The following PPIE variants were observed in gnomAD, a reference collection of about 807,000 sequenced individuals.
PPIE encodes the protein peptidylprolyl isomerase E, also known as peptidyl-prolyl cis-trans isomerase E.
PPIE carries 20 observed loss-of-function variants against 38.4 expected under a neutral mutation model. That is an observed-to-expected ratio of 0.52 (90% CI 0.37 to 0.76). The LOEUF (loss-of-function observed/expected upper bound fraction) is 0.76. PPIE is among the 30% of genes least tolerant of loss of function. The probability of loss-of-function intolerance (pLI) is 0.00; values close to 1 mark genes in which losing one functional copy is unlikely to be tolerated. For missense variants in PPIE, 322 were observed against 385.8 expected, an observed-to-expected ratio of 0.83 and a Z score of 1.39; for synonymous variants, 142 against 135.7, an observed-to-expected ratio of 1.05 and a Z score of -0.32.
rs971822647 is a variant in PPIE at position 39,754,189 on chromosome 1, C to T, written c.*834C>T. ...CACGTCCATTTATTTACATATTGTC[C>T]ATGGTGGTTTCTTACTGCAGTGGCA... is the stretch of plus-strand genomic sequence containing the variant. On this transcript the variant is annotated 3_prime_UTR_variant, in exon 10 of 10. Transcript: ENST00000324379. 6.0e-6 allele frequency: 4 copies of T among 666,616 alleles called. No individual in the cohort carries two copies. The highest frequency in any genetic ancestry group is 7.4e-6 in the Non-Finnish European group (4 of 539,096). 41.3% of individuals were successfully genotyped at this position (666,616 alleles called of 1,614,324 possible). A position where few individuals can be genotyped will look rare whatever the true frequency, so the allele number is the denominator to read the frequency against.
intron 8 of PPIE, among the ~76,000 whole-genome samples, chr1:39,750,968 G>A (rs569531105): frequency 4.5e-4 from 69 of 152,310 alleles, no homozygotes; most frequent in African/African-American, 1.5e-3. Flanking sequence ...GGAAATAAAC[G>A]AATTTGTATA....
chr1:39,754,228 G>A lies in PPIE; in HGVS notation c.*873G>A, dbSNP rs375051619. 1.6e-4 allele frequency: 49 copies of A among 304,426 alleles called. No homozygotes were observed. The highest frequency in any genetic ancestry group is 1.1e-3 in the African/African-American group (49 of 44,240). 18.9% of individuals were successfully genotyped at this position (304,426 alleles called of 1,614,324 possible). A position where few individuals can be genotyped will look rare whatever the true frequency, so the allele number is the denominator to read the frequency against. ...ACTGCAGTGGCAGAGGTGCGTAAGG[G>A]GCTATAGACACAATACAGGCTATGG... On this transcript the variant is annotated 3_prime_UTR_variant, in exon 10 of 10. Coordinates refer to ENST00000324379, the MANE Select transcript of PPIE (RefSeq NM_006112.4).
rs2124285012 is a variant in PPIE at position 39,740,158 on chromosome 1, T to C, written c.32-7T>C. ...AGTGGCTCAGAAGGCCCTTGGCTTATTTGCAGGTGGACTGGCAGAGGAAGT... is the reference window on the plus strand; with the variant it reads ...AGTGGCTCAGAAGGCCCTTGGCTTACTTGCAGGTGGACTGGCAGAGGAAGT... On this transcript the variant is annotated splice_region_variant and splice_polypyrimidine_tract_variant and intron_variant, in intron 1 of 9. Transcript: ENST00000324379. 1 of 1,613,510 alleles carries C rather than the reference T, an allele frequency of 6.2e-7. No individual in the cohort carries two copies. Among genetic ancestry groups the C allele is most frequent in the South Asian group, 1.1e-5 (1 of 91,060 alleles).
chr1:39,752,843 C>G, intron 8 of PPIE, 67 bp from the exon 9 acceptor site: 1 of 1,559,654 alleles, frequency 6.4e-7, no homozygotes, highest in Non-Finnish European at 8.7e-7. Flanking sequence ...TGTCAACAGC[C>G]TGCACAGACG....
At chr1:39,756,891 G>A (rs1648332729), downstream of PPIE, among the ~76,000 whole-genome samples, 1 of 152,034 alleles carries the variant, frequency 6.6e-6, no homozygotes, top group Non-Finnish European at 1.5e-5. Flanking sequence ...TTTGAAAAAG[G>A]GGGTCAAGTG....
At chr1:39,758,038 T>G (rs981489797), downstream of PPIE, 1 of 152,178 alleles carries the variant, frequency 6.6e-6, no homozygotes, top group Non-Finnish European at 1.5e-5. Context: ...TCTACAAACC[T>G]TCAGGTAGTT....
At chr1:39,763,892 A>G in exon 10 of PPIE, 1 of 1,305,136 alleles carries the variant, frequency 7.7e-7, no homozygotes, top group South Asian at 1.4e-5. Flanking sequence ...ACATTTGTCA[A>G]ATAAATGAAT....
chr1:39,760,163 G>A (rs1036360063), downstream of PPIE: 5 of 592,130 alleles, frequency 8.4e-6, 1 homozygote. Flanking sequence ...CTCCGGGAGA[G>A]GCGTTTGCAT....
At position 39,754,766 on chromosome 1, in the gene PPIE, G is replaced by T. The variant is rs1420778032; in HGVS notation, c.*1411G>T. ...CCAGCTACTCAGAAGGCTGAGGTGG[G>T]AGGATCGCTTGAACCTGGGAGGTTG... On this transcript the variant is annotated 3_prime_UTR_variant, in exon 10 of 10. Transcript: ENST00000324379. Among the ~76,000 whole-genome samples the T allele has an allele frequency of 3.3e-5, 5 of 152,172 alleles. No individual in the cohort carries two copies. Among genetic ancestry groups the T allele is most frequent in the Non-Finnish European group, 4.4e-5 (3 of 68,030 alleles).
chr1:39,739,648 C>T (rs933389052), intron 1 of PPIE, among the ~76,000 whole-genome samples: 3 of 152,086 alleles, frequency 2.0e-5, no homozygotes, highest in African/African-American at 7.2e-5. Context: ...GAGTTAGCTA[C>T]GTAACCGAAG....
At chr1:39,760,186 C>G (rs1049144867), downstream of PPIE, 7 of 710,814 alleles carry the variant, frequency 9.8e-6, no homozygotes, top group African/African-American at 1.1e-4. Flanking sequence ...GGGTAGAACA[C>G]TGCCTGATGA....
chr1:39,748,409 C>T lies in PPIE; in HGVS notation c.509-494C>T, dbSNP rs534415749. 6 of 153,268 alleles carry T rather than the reference C, an allele frequency of 3.9e-5. No individual in the cohort carries two copies. In the East Asian group the frequency reaches 5.8e-4, roughly 15 times the overall value. The allele number at this position is 153,268 out of a possible 1,614,324, so 9.5% of individuals were successfully genotyped here. On this transcript the variant is annotated intron_variant, in intron 7 of 9. Transcript: ENST00000324379. ...TGTGGTTTTAAAAGGGAACAGAGCTCGAACATGTATATTCAATCCCCCTTC... is the reference window on the plus strand; with the variant it reads ...TGTGGTTTTAAAAGGGAACAGAGCTTGAACATGTATATTCAATCCCCCTTC...
At chr1:39,760,377 C>A (rs371633750), downstream of PPIE, 52 of 1,610,226 alleles carry the variant, frequency 3.2e-5, no homozygotes, top group African/African-American at 4.5e-4. Flanking sequence ...GGGGCCCGAT[C>A]CAGATGAGAA....
At chr1:39,748,817 A>C in intron 7 of PPIE, 86 bp from the exon 8 acceptor site, 1 of 1,267,270 alleles carries the variant, frequency 7.9e-7, no homozygotes, top group Non-Finnish European at 1.1e-6. Context: ...TAAAACAAAA[A>C]TATGAACACT....
intron 8 of PPIE, among the ~76,000 whole-genome samples, chr1:39,751,091 C>T (rs957132698): frequency 1.4e-4 from 21 of 152,174 alleles, no homozygotes; most frequent in African/African-American, 2.2e-4. Context: ...GAAATGCAGA[C>T]GGGAGTGTCA....
At chr1:39,763,913 C>G in exon 10 of PPIE, 1 of 1,206,906 alleles carries the variant, frequency 8.3e-7, no homozygotes, top group South Asian at 1.5e-5. Flanking sequence ...GACAGGAAAC[C>G]ATTTGGTCTC....
intron 4 of PPIE, 196 bp from the exon 5 acceptor site, chr1:39,743,020 T>G (rs775770306): frequency 1.1e-5 from 6 of 530,246 alleles, no homozygotes; most frequent in Non-Finnish European, 2.0e-5. Flanking sequence ...CAGGTCTTTG[T>G]GTGCTGCTAT....
rs781666016 is a variant in PPIE, at chr1:39,743,315, C to G, written c.283+18C>G. The G allele has an allele frequency of 1.2e-6, 2 of 1,609,166 alleles. No homozygotes were observed. The highest frequency in any genetic ancestry group is 8.5e-7 in the Non-Finnish European group (1 of 1,175,542). ...CAGGCCAGGTGAGTAGGAGCAACTT[C>G]CAGATTCCCTGTGATGTTCTGCAGT... On this transcript the variant is annotated intron_variant, in intron 5 of 9. Coordinates refer to ENST00000324379, the MANE Select transcript of PPIE (RefSeq NM_006112.4).
chr1:39,741,582 G>C, intron 3 of PPIE, 173 bp downstream of exon 3: 1 of 708,670 alleles, frequency 1.4e-6, no homozygotes, highest in Non-Finnish European at 2.4e-6. Context: ...AGACTGGACT[G>C]TGAATAACAT....
Sources: gnomAD v4.1 joint callset for allele counts (sites outside exome capture counted in the v4.1 genomes callset) on GRCh38, gnomAD v4.1.1 for gene constraint, MANE v1.5 for transcripts, NCBI Gene and HGNC (gene_info 2026-07-23, HGNC 2026-07-21) for gene names.